Variants in MACROD2 observed in about 807,000 individuals in gnomAD.
The protein encoded by MACROD2 is mono-ADP ribosylhydrolase 2.
In MACROD2, 36 loss-of-function variants were observed where a neutral mutation model predicts 70.4. That is an observed-to-expected ratio of 0.51 (90% CI 0.39 to 0.68). The LOEUF (loss-of-function observed/expected upper bound fraction) is 0.68, where lower values mean the gene tolerates loss of function less well. Among genes scored for constraint, MACROD2 ranks in the 30% least tolerant of loss-of-function variants. The probability of loss-of-function intolerance (pLI) is 0.00; values close to 1 mark genes in which losing one functional copy is unlikely to be tolerated. For synonymous variants in MACROD2, 172 were observed against 178.8 expected (o/e 0.96, Z 0.30); for missense variants, 496 against 538.4 (o/e 0.92, Z 0.78).
intron 2 of MACROD2, among the ~76,000 whole-genome samples, chr20:14,047,149 G>C (rs535236446): frequency 3.9e-5 from 6 of 152,100 alleles, no homozygotes; most frequent in Non-Finnish European, 8.8e-5. Flanking sequence ...TAAAAACAAA[G>C]AAATCCATGG....
At chr20:15,087,773 AAT>A (rs2075759805) in intron 5 of MACROD2, among the ~76,000 whole-genome samples, 4 of 152,052 alleles carry the variant, frequency 2.6e-5, no homozygotes, top group African/African-American at 9.6e-5. Flanking sequence ...GAGTGGGAAA[AAT>A]ATGTTACCAA....
chr20:14,722,796 G>C (rs1371272908), intron 5 of MACROD2, among the ~76,000 whole-genome samples: 4 of 152,168 alleles, frequency 2.6e-5, no homozygotes, highest in Non-Finnish European at 4.4e-5. Context: ...AAAAGGTATT[G>C]TCTCTGCTTC....
chr20:14,529,634 ATTGCCAAGACTGATCAAGG>A (rs1356136692), intron 4 of MACROD2, among the ~76,000 whole-genome samples: 1 of 152,200 alleles, frequency 6.6e-6, no homozygotes, highest in Non-Finnish European at 1.5e-5. Flanking sequence ...AAATGACATG[ATTGCCAAGACTGATCAAGG>A]TTTATTCCCT....
chr20:15,532,297 G>A (rs1308660220), intron 8 of MACROD2, among the ~76,000 whole-genome samples: 2 of 152,078 alleles, frequency 1.3e-5, no homozygotes, highest in Admixed American at 6.5e-5. Context: ...TCAGATATAA[G>A]TGGATGTTCT....
chr20:15,872,498 T>C (rs1315863145), intron 9 of MACROD2, among the ~76,000 whole-genome samples: 1 of 152,194 alleles, frequency 6.6e-6, no homozygotes, highest in Non-Finnish European at 1.5e-5. Flanking sequence ...CTTAACACTG[T>C]GTGGCTTTGC....
chr20:14,862,009 A>ATATATTTT (rs1222322526), intron 5 of MACROD2, among the ~76,000 whole-genome samples: 6 of 18,836 alleles, frequency 3.2e-4, no homozygotes, highest in African/African-American at 1.6e-3. Context: ...ATATATTTAT[A>ATATATTTT]TATATATATT....
At position 14,444,922 on chromosome 20, in the gene MACROD2, C is replaced by T. The variant is rs2084167352; in HGVS notation, c.272-48557C>T. On this transcript the variant is annotated intron_variant, in intron 3 of 17. Transcript: ENST00000684519. ...GAGTTCACCATCACCCATTACACCC[C>T]TATGACCACCATCATCCTGCTTCAA... 1.3e-5 allele frequency among the ~76,000 whole-genome samples: 2 copies of T among 151,912 alleles called. 1 individual carries two copies. Among genetic ancestry groups the T allele is most frequent in the South Asian group, 4.1e-4 (2 of 4,828 alleles).
At chr20:15,338,640 T>C (rs1412165186) in intron 6 of MACROD2, among the ~76,000 whole-genome samples, 2 of 151,536 alleles carry the variant, frequency 1.3e-5, no homozygotes, top group Non-Finnish European at 2.9e-5. Flanking sequence ...CTCCATAAAG[T>C]ATTATTATTA....
At chr20:14,934,597 G>A (rs542109702) in intron 5 of MACROD2, among the ~76,000 whole-genome samples, 25 of 152,226 alleles carry the variant, frequency 1.6e-4, no homozygotes, top group African/African-American at 6.0e-4. Context: ...GACCAGCCTG[G>A]CCAACATGGT....
intron 3 of MACROD2, among the ~76,000 whole-genome samples, chr20:14,462,633 G>C (rs1021964835): frequency 2.0e-5 from 3 of 152,142 alleles, no homozygotes; most frequent in Admixed American, 2.0e-4. Context: ...GAATGGTATT[G>C]CCTAGCTTTT....
chr20:15,924,066 TA>T (rs1299031709), intron 10 of MACROD2, among the ~76,000 whole-genome samples: 32 of 152,230 alleles, frequency 2.1e-4, no homozygotes, highest in Admixed American at 5.2e-4. Context: ...AAAAAGTTCA[TA>T]CAAAATCATG....
intron 8 of MACROD2, among the ~76,000 whole-genome samples, chr20:15,610,775 C>G (rs984212232): frequency 2.6e-5 from 4 of 152,076 alleles, no homozygotes; most frequent in Admixed American, 1.3e-4. Flanking sequence ...CTCCTCACCT[C>G]CACTGCAGCC....
chr20:15,610,935 C>T (rs200740), intron 8 of MACROD2, among the ~76,000 whole-genome samples: 2,972 of 146,392 alleles, frequency 0.02, 54 homozygotes, highest in Non-Finnish European at 0.026. Flanking sequence ...ATGACTGGGA[C>T]TTTCACTGAC....
chr20:14,836,244 A>C (rs978831200), intron 5 of MACROD2, among the ~76,000 whole-genome samples: 2 of 152,130 alleles, frequency 1.3e-5, no homozygotes, highest in Non-Finnish European at 2.9e-5. Context: ...TTACGCTGTA[A>C]TACCCAAGAG....
chr20:14,635,587 A>C (rs1984746639), intron 4 of MACROD2, among the ~76,000 whole-genome samples: 1 of 152,234 alleles, frequency 6.6e-6, no homozygotes, highest in African/African-American at 2.4e-5. Flanking sequence ...ATTTTTACTT[A>C]TTAATACATT....
At chr20:15,727,989 G>C (rs1003698893) in intron 8 of MACROD2, among the ~76,000 whole-genome samples, 5 of 151,562 alleles carry the variant, frequency 3.3e-5, no homozygotes, top group Non-Finnish European at 5.9e-5. Flanking sequence ...ATTCCTCCAG[G>C]GGAATGCTTC....
chr20:15,151,763 G>A (rs372436432), intron 5 of MACROD2, among the ~76,000 whole-genome samples: 2 of 151,970 alleles, frequency 1.3e-5, no homozygotes, highest in Non-Finnish European at 2.9e-5. Flanking sequence ...CTTTTTAAGA[G>A]TAAATTGCTG....
chr20:15,333,688 A>G (rs547216654), intron 6 of MACROD2, among the ~76,000 whole-genome samples: 1 of 151,680 alleles, frequency 6.6e-6, no homozygotes, highest in East Asian at 1.9e-4. Context: ...AAACAACAGT[A>G]ATTTCCTCAA....
intron 15 of MACROD2, among the ~76,000 whole-genome samples, chr20:16,007,546 T>G (rs1462622556): frequency 1.3e-5 from 2 of 152,226 alleles, no homozygotes; most frequent in Non-Finnish European, 2.9e-5. Flanking sequence ...GCAGGAAAGC[T>G]TTTGTTTATT....
Sources: allele counts gnomAD v4.1 joint callset (sites outside exome capture counted in the v4.1 genomes callset), GRCh38; gene constraint gnomAD v4.1.1; transcripts MANE v1.5; gene names NCBI Gene and HGNC (gene_info 2026-07-23, HGNC 2026-07-21).